Variants in SLCO6A1 observed in about 807,000 individuals in gnomAD.
SLCO6A1 encodes the protein cancer/testis antigen 48.
Under a neutral mutation model 72.7 loss-of-function variants are expected in SLCO6A1, and 65 were observed. The observed-to-expected ratio is 0.89, with a 90% CI of 0.73 to 1.10. The LOEUF is 1.10. SLCO6A1 is among the 50% of genes least tolerant of loss of function. The pLI, the probability that SLCO6A1 is intolerant of heterozygous loss-of-function variation, is 0.00. For missense variants in SLCO6A1, 874 were observed against 872.6 expected (o/e 1.00, Z -0.02); for synonymous variants, 314 against 298.2 (o/e 1.05, Z -0.55).
intron 8 of SLCO6A1, among the ~76,000 whole-genome samples, chr5:102,417,354 T>C (rs1748339812): frequency 6.6e-6 from 1 of 152,098 alleles, no homozygotes; most frequent in South Asian, 2.1e-4. Flanking sequence ...ATTACTAATA[T>C]GGTTAGGTTT....
intron 13 of SLCO6A1, among the ~76,000 whole-genome samples, chr5:102,372,682 T>TA (rs1225479690): frequency 9.3e-4 from 129 of 138,394 alleles, no homozygotes; most frequent in Admixed American, 2.3e-3. Context: ...CAAGTGAAGG[T>TA]AAAAAAAAAA....
chr5:102,436,332 C>T (rs915509489), intron 7 of SLCO6A1, among the ~76,000 whole-genome samples: 2 of 152,168 alleles, frequency 1.3e-5, no homozygotes, highest in Admixed American at 1.3e-4. Flanking sequence ...ACACCTTCAC[C>T]TGCAAGGGTA....
At chr5:102,414,937 A>T (rs28887203) in intron 8 of SLCO6A1, among the ~76,000 whole-genome samples, 61,780 of 120,628 alleles carry the variant, frequency 0.51, 13,314 homozygotes, top group African/African-American at 0.61. Context: ...ATAAATAAAT[A>T]AATTAATTAA....
chr5:102,396,451 T>C (rs961562856), intron 10 of SLCO6A1, among the ~76,000 whole-genome samples: 2 of 152,220 alleles, frequency 1.3e-5, no homozygotes, highest in Non-Finnish European at 1.5e-5. Context: ...CCAAGCTTAC[T>C]CTTGCTTGTT....
At chr5:102,395,893 T>G (rs1747047461) in intron 10 of SLCO6A1, among the ~76,000 whole-genome samples, 1 of 152,160 alleles carries the variant, frequency 6.6e-6, no homozygotes. Flanking sequence ...GGGTTGTTTG[T>G]TTTTTTCTTG....
chr5:102,394,409 T>G (rs1746947180), intron 10 of SLCO6A1, among the ~76,000 whole-genome samples: 1 of 151,814 alleles, frequency 6.6e-6, no homozygotes, highest in South Asian at 2.1e-4. Context: ...CTGGAGAAAT[T>G]TGCTTGCTTA....
chr5:102,468,918 T>C (rs34306836), intron 4 of SLCO6A1, among the ~76,000 whole-genome samples: 1,868 of 152,304 alleles, frequency 0.012, 10 homozygotes, highest in Non-Finnish European at 0.019. Flanking sequence ...AAATAGGGAA[T>C]CCTTTCCCCG....
chr5:102,375,103 A>C (rs868036848), intron 12 of SLCO6A1, among the ~76,000 whole-genome samples: 10 of 152,318 alleles, frequency 6.6e-5, no homozygotes, highest in South Asian at 4.1e-4. Flanking sequence ...TGAAGAACAA[A>C]GATTCATTTG....
chr5:102,454,664 T>A (rs1407798973), intron 6 of SLCO6A1, among the ~76,000 whole-genome samples: 2 of 151,920 alleles, frequency 1.3e-5, no homozygotes, highest in African/African-American at 2.4e-5. Context: ...TGGCTTGCTT[T>A]TTTTTTTCTT....
Position 102,399,621 on chromosome 5 carries a change from G to A in SLCO6A1, c.1748C>T (p.Ala583Val), listed in dbSNP as rs778145044. 159 of 1,605,832 alleles carry A rather than the reference G, an allele frequency of 9.9e-5. 1 individual carries two copies. Among genetic ancestry groups the A allele is most frequent in the Non-Finnish European group, 1.3e-4 (155 of 1,174,898 alleles). Residue 583 changes from alanine (A) to valine (V), a missense_variant, in exon 10 of 14, where the codon GCT (alanine) becomes GTT (valine). Transcript: ENST00000506729. ...AKCYKLPLFI[A>V]FIFSTLIFSG... is the part of the protein sequence containing the mutation. ...AAATATAAGTGTAGAAAAGATAAAA[G>A]CAATGAACAAAGGTAACTTATAGCA...
At chr5:102,388,571 C>T in intron 12 of SLCO6A1, 117 bp downstream of exon 12, 1 of 749,010 alleles carries the variant, frequency 1.3e-6, no homozygotes, top group Non-Finnish European at 2.0e-6. Context: ...GCCTCCTTTA[C>T]TCATCAAAGT....
chr5:102,481,231 A>ATT (rs66694222), intron 1 of SLCO6A1, among the ~76,000 whole-genome samples: 4 of 151,404 alleles, frequency 2.6e-5, no homozygotes, highest in African/African-American at 4.9e-5. Flanking sequence ...CAATCACTAC[A>ATT]TTTTTTTTTT....
In SLCO6A1 at chr5:102,455,026, AT is replaced by A. The variant is rs1282892451; in HGVS notation, c.1131+3355del. Among the ~76,000 whole-genome samples the A allele has an allele frequency of 2.6e-3, 310 of 120,238 alleles. 4 individuals carry two copies. Among genetic ancestry groups the A allele is most frequent in the African/African-American group, 8.3e-3 (294 of 35,394 alleles). The allele number at this position is 120,238 out of a possible 152,430, so 78.9% of individuals were successfully genotyped here. Reference sequence around the variant, plus strand: ...TATATAAATATATATATATATATATATAAATTATGTTATAACAAAGATCTAT... The same window carrying A: ...TATATAAATATATATATATATATATAAAATTATGTTATAACAAAGATCTAT... On this transcript the variant is annotated intron_variant, in intron 6 of 13. Transcript: ENST00000506729.
intron 9 of SLCO6A1, among the ~76,000 whole-genome samples, chr5:102,404,235 C>T (rs182485479): frequency 4.1e-4 from 63 of 152,326 alleles, no homozygotes; most frequent in Non-Finnish European, 7.3e-4. Flanking sequence ...GTGGCTCACG[C>T]CTGTAATCCC....
At chr5:102,446,525 T>C (rs1477460338) in intron 6 of SLCO6A1, among the ~76,000 whole-genome samples, 1 of 152,186 alleles carries the variant, frequency 6.6e-6, no homozygotes, top group Non-Finnish European at 1.5e-5. Context: ...AGAAAATAAG[T>C]TTGACTTCCT....
intron 6 of SLCO6A1, among the ~76,000 whole-genome samples, chr5:102,443,182 G>A (rs1361053173): frequency 6.6e-6 from 1 of 152,098 alleles, no homozygotes; most frequent in African/African-American, 2.4e-5. Context: ...TGGAGACAGA[G>A]CGAGACTCCA....
chr5:102,441,357 T>A lies in SLCO6A1; in HGVS notation c.1132-2596A>T, dbSNP rs1222052871. On this transcript the variant is annotated intron_variant, in intron 6 of 13. Coordinates refer to ENST00000506729, the MANE Select transcript of SLCO6A1 (RefSeq NM_173488.5). ...ACAATTATCTTTTCAGTGACTCTTT[T>A]ATTACATAGCAAGTTCTTATGTGTA... Among the ~76,000 whole-genome samples the A allele has an allele frequency of 2.6e-5, 4 of 152,208 alleles. No homozygotes were observed. The East Asian group carries it at 7.7e-4, about 29-fold the overall frequency.
intron 12 of SLCO6A1, among the ~76,000 whole-genome samples, chr5:102,380,113 C>G (rs973056408): frequency 6.6e-6 from 1 of 151,822 alleles, no homozygotes; most frequent in Non-Finnish European, 1.5e-5. Context: ...ACATTGTGTT[C>G]CCTGATATGG....
At chr5:102,471,450 A>G (rs2112801873) in intron 4 of SLCO6A1, among the ~76,000 whole-genome samples, 1 of 152,212 alleles carries the variant, frequency 6.6e-6, no homozygotes, top group African/African-American at 2.4e-5. Flanking sequence ...GCCATAATGT[A>G]GTGACCATTC....
Sources: gnomAD v4.1 joint callset for allele counts (sites outside exome capture counted in the v4.1 genomes callset) on GRCh38, gnomAD v4.1.1 for gene constraint, MANE v1.5 for transcripts, NCBI Gene and HGNC (gene_info 2026-07-23, HGNC 2026-07-21) for gene names.